Variants in MYO1D observed in about 807,000 individuals in gnomAD.
MYO1D encodes the protein myosin ID.
In MYO1D, 83 loss-of-function variants were observed where a neutral mutation model predicts 122.0. That is an observed-to-expected ratio of 0.68 (90% CI 0.57 to 0.82). MYO1D has a LOEUF of 0.82. Among genes scored for constraint, MYO1D ranks in the 40% least tolerant of loss-of-function variants. MYO1D has a pLI of 0.00. For missense variants in MYO1D, 1,157 were observed against 1,269.5 expected (o/e 0.91, Z 1.35); for synonymous variants, 464 against 446.9 (o/e 1.04, Z -0.48).
intron 16 of MYO1D, among the ~76,000 whole-genome samples, chr17:32,673,441 G>C (rs2088753903): frequency 6.6e-6 from 1 of 152,070 alleles, no homozygotes; most frequent in Non-Finnish European, 1.5e-5. Context: ...TGAAATCACA[G>C]TTTGGGGAAA....
chr17:32,618,361 A>G (rs1027624434), intron 20 of MYO1D, among the ~76,000 whole-genome samples: 21 of 152,196 alleles, frequency 1.4e-4, no homozygotes, highest in African/African-American at 4.1e-4. Context: ...CAGCTTGATG[A>G]AAGCCACTCA....
chr17:32,640,725 T>C (rs1378393908), intron 19 of MYO1D, among the ~76,000 whole-genome samples: 3 of 151,478 alleles, frequency 2.0e-5, no homozygotes, highest in South Asian at 4.2e-4. Flanking sequence ...CAGTCTATCA[T>C]TGTTGGACAT....
At chr17:32,852,379 G>A (rs775770359) in intron 1 of MYO1D, among the ~76,000 whole-genome samples, 12 of 152,026 alleles carry the variant, frequency 7.9e-5, no homozygotes, top group Non-Finnish European at 1.3e-4. Context: ...CACCCACCTC[G>A]GCCTCCCAAA....
At chr17:32,529,499 T>G (rs1384792627) in intron 21 of MYO1D, 1 of 152,452 alleles carries the variant, frequency 6.6e-6, no homozygotes, top group African/African-American at 2.4e-5. Context: ...CTGAAAACAC[T>G]TTCCACAGGG....
At chr17:32,634,290 GC>G (rs2088066413) in intron 20 of MYO1D, among the ~76,000 whole-genome samples, 4 of 152,198 alleles carry the variant, frequency 2.6e-5, no homozygotes, top group Admixed American at 1.3e-4. Context: ...CCAGGATGCT[GC>G]AAAAAGCAAC....
chr17:32,836,293 A>C (rs1011823002), intron 1 of MYO1D, among the ~76,000 whole-genome samples: 20 of 152,370 alleles, frequency 1.3e-4, no homozygotes, highest in South Asian at 6.2e-4. Flanking sequence ...TAGGAAAATT[A>C]AGTGACTTGC....
At chr17:32,744,044 T>C (rs1353127137) in intron 13 of MYO1D, among the ~76,000 whole-genome samples, 1 of 152,184 alleles carries the variant, frequency 6.6e-6, no homozygotes, top group East Asian at 1.9e-4. Context: ...CATCACATCA[T>C]AAATTCCAAC....
At chr17:32,617,681 T>C (rs2087791542) in intron 20 of MYO1D, among the ~76,000 whole-genome samples, 1 of 152,162 alleles carries the variant, frequency 6.6e-6, no homozygotes, top group Non-Finnish European at 1.5e-5. Flanking sequence ...CCTCAGGTGA[T>C]CCACCCGCTT....
chr17:32,742,650 C>T lies in MYO1D; in HGVS notation c.1613+2561G>A, dbSNP rs555942672. ...TCATTTGTCCCTCAAAATGAATGTA[C>T]CTTACCTGATAAATTAAGCATTGAA... is the stretch of plus-strand genomic sequence containing the variant. On this transcript the variant is annotated intron_variant, in intron 13 of 21. Coordinates refer to ENST00000318217, the MANE Select transcript of MYO1D (RefSeq NM_015194.3). Among the ~76,000 whole-genome samples the T allele has an allele frequency of 3.7e-3, 560 of 152,272 alleles. 5 individuals are homozygous for T. The highest frequency in any genetic ancestry group is 5.6e-3 in the Non-Finnish European group (378 of 68,014).
chr17:32,631,648 TA>T (rs879354700), intron 20 of MYO1D, among the ~76,000 whole-genome samples: 335 of 142,668 alleles, frequency 2.3e-3, no homozygotes, highest in Middle Eastern at 7.1e-3. Context: ...ACCCGTCTCT[TA>T]AAAAAAAAAA....
intron 1 of MYO1D, among the ~76,000 whole-genome samples, chr17:32,828,305 A>G (rs962359140): frequency 6.6e-6 from 1 of 152,118 alleles, no homozygotes; most frequent in Non-Finnish European, 1.5e-5. Flanking sequence ...TCACCAGGTC[A>G]GGAGATCGAG....
At chr17:32,860,082 C>G (rs1333959868) in intron 1 of MYO1D, among the ~76,000 whole-genome samples, 1 of 152,124 alleles carries the variant, frequency 6.6e-6, no homozygotes, top group East Asian at 1.9e-4. Context: ...ACAACACAAG[C>G]AGAGAGCTCA....
intron 21 of MYO1D, among the ~76,000 whole-genome samples, chr17:32,588,744 G>A (rs2087412731): frequency 6.6e-6 from 1 of 152,106 alleles, no homozygotes; most frequent in Non-Finnish European, 1.5e-5. Flanking sequence ...GAGGCCAGGA[G>A]TTTAAGACCA....
At chr17:32,574,667 G>C (rs1434485720) in intron 21 of MYO1D, among the ~76,000 whole-genome samples, 7 of 152,186 alleles carry the variant, frequency 4.6e-5, no homozygotes, top group African/African-American at 7.2e-5. Flanking sequence ...TGTAGAAAGA[G>C]AGCCTGGCAC....
intron 1 of MYO1D, among the ~76,000 whole-genome samples, chr17:32,825,792 C>T (rs1485252859): frequency 6.6e-6 from 1 of 152,096 alleles, no homozygotes; most frequent in Non-Finnish European, 1.5e-5. Flanking sequence ...AATCCCAGCA[C>T]TCTGGAAGAC....
At chr17:32,839,903 A>T (rs891689757) in intron 1 of MYO1D, among the ~76,000 whole-genome samples, 1 of 152,262 alleles carries the variant, frequency 6.6e-6, no homozygotes, top group African/African-American at 2.4e-5. Context: ...ACTACCAGAC[A>T]CATAATGCCA....
chr17:32,755,497 G>T lies in MYO1D; in HGVS notation c.1462C>A (p.Arg488=). Residue 488 remains arginine (R), a synonymous_variant, in exon 11 of 22, where the codon CGA becomes AGA. Coordinates refer to ENST00000318217, the MANE Select transcript of MYO1D (RefSeq NM_015194.3). ...KLGKHAHFSS[R]KLCASDKILE... ...GGTGTCATTAAACACATTACCTTTC[G>T]GCTGGAAAAATGGGCGTGTTTGCCC... 6.2e-7 allele frequency: 1 copy of T among 1,613,336 alleles called. No individual in the cohort carries two copies. Among genetic ancestry groups the T allele is most frequent in the Non-Finnish European group, 8.5e-7 (1 of 1,179,568 alleles).
At chr17:32,685,121 A>G (rs2088987467) in intron 16 of MYO1D, among the ~76,000 whole-genome samples, 1 of 152,220 alleles carries the variant, frequency 6.6e-6, no homozygotes, top group African/African-American at 2.4e-5. Flanking sequence ...AACAAGACCT[A>G]GAAAGCAATA....
intron 1 of MYO1D, among the ~76,000 whole-genome samples, chr17:32,824,046 G>A (rs1443663535): frequency 7.2e-5 from 9 of 124,522 alleles, no homozygotes; most frequent in African/African-American, 9.6e-5. Flanking sequence ...CAGCCTGGGC[G>A]ATAGAGCAAG....
Sources: allele counts gnomAD v4.1 joint callset (sites outside exome capture counted in the v4.1 genomes callset), GRCh38; gene constraint gnomAD v4.1.1; transcripts MANE v1.5; gene names NCBI Gene and HGNC (gene_info 2026-07-23, HGNC 2026-07-21).